The following PITPNB variants were observed in gnomAD, a reference collection of about 807,000 sequenced individuals.
The protein encoded by PITPNB is phosphatidylinositol transfer protein beta isoform.
Under a neutral mutation model 45.9 loss-of-function variants are expected in PITPNB, and 16 were observed. That is an observed-to-expected ratio of 0.35 (90% confidence interval 0.24 to 0.53). PITPNB has a LOEUF of 0.53. Among genes scored for constraint, PITPNB ranks in the 20% least tolerant of loss-of-function variants. PITPNB has a pLI of 0.93. For missense variants in PITPNB, 188 were observed against 330.5 expected (o/e 0.57, Z 3.34); for synonymous variants, 112 against 108.9 (o/e 1.03, Z -0.18).
rs113196670 is a variant in PITPNB, at chr22:27,893,131, A to T, written c.456+1424T>A. On this transcript the variant is annotated intron_variant, in intron 7 of 11. Coordinates refer to ENST00000335272, the MANE Select transcript of PITPNB (RefSeq NM_012399.5). ...CGACAAAACAAAGGGTACCACTCTT[A>T]TTCCAAAGCTTTAGCTCTCTAGATT... Among the ~76,000 whole-genome samples, 609 of 152,356 alleles carry T rather than the reference A, an allele frequency of 4.0e-3. 5 individuals are homozygous for T. Among genetic ancestry groups the T allele is most frequent in the Middle Eastern group, 0.031 (9 of 294 alleles).
intron 7 of PITPNB, among the ~76,000 whole-genome samples, chr22:27,889,055 T>A (rs926459756): frequency 1.3e-5 from 2 of 152,184 alleles, no homozygotes; most frequent in Non-Finnish European, 2.9e-5. Flanking sequence ...GCTGCAGAAC[T>A]GTGTGTTCAA....
At chr22:27,897,085 T>C (rs1481349236) in intron 5 of PITPNB, 45 bp downstream of exon 5, 14 of 1,350,732 alleles carry the variant, frequency 1.0e-5, no homozygotes, top group Non-Finnish European at 1.4e-5. Flanking sequence ...TAAAACAAAG[T>C]TTAAAGATAA....
At chr22:27,875,698 C>T (rs766111491) in intron 7 of PITPNB, among the ~76,000 whole-genome samples, 22 of 152,134 alleles carry the variant, frequency 1.4e-4, no homozygotes, top group Non-Finnish European at 2.5e-4. Context: ...AGCATCATTT[C>T]CCTCAATCAA....
chr22:27,852,448 G>C lies in PITPNB; in HGVS notation c.*1254C>G, dbSNP rs1451136542. 3 of 152,190 alleles carry C rather than the reference G, an allele frequency of 2.0e-5. No homozygotes were observed. Among genetic ancestry groups the C allele is most frequent in the African/African-American group, 7.2e-5 (3 of 41,452 alleles). 9.4% of individuals were successfully genotyped at this position (152,190 alleles called of 1,614,324 possible). A position where few individuals can be genotyped will look rare whatever the true frequency, so the allele number is the denominator to read the frequency against. ...ATTAAAAAAAGTGGCAGCCGTTTCT[G>C]ACCAGCACTCTCATGATGCCTATTC... On this transcript the variant is annotated 3_prime_UTR_variant, in exon 12 of 12. Transcript: ENST00000335272.
At chr22:27,901,281 G>C (rs779429083) in intron 3 of PITPNB, among the ~76,000 whole-genome samples, 1 of 152,102 alleles carries the variant, frequency 6.6e-6, no homozygotes, top group Admixed American at 6.6e-5. Context: ...TACACTGAAC[G>C]CCTGATCTAG....
intron 3 of PITPNB, among the ~76,000 whole-genome samples, chr22:27,900,106 G>C (rs1345883411): frequency 6.6e-6 from 1 of 151,954 alleles, no homozygotes; most frequent in East Asian, 1.9e-4. Flanking sequence ...GGGACACTGA[G>C]GCTGAATTGC....
At chr22:27,859,306 CAA>C (rs1331456385) in intron 9 of PITPNB, among the ~76,000 whole-genome samples, 2 of 152,154 alleles carry the variant, frequency 1.3e-5, no homozygotes, top group East Asian at 3.9e-4. Context: ...CATGAATAAT[CAA>C]AGTTTCCAGC....
intron 3 of PITPNB, among the ~76,000 whole-genome samples, chr22:27,904,228 A>G (rs547313935): frequency 1.3e-5 from 2 of 152,358 alleles, no homozygotes; most frequent in East Asian, 3.9e-4. Flanking sequence ...AGTGAAAACA[A>G]CCCAAATGTT....
intron 5 of PITPNB, 130 bp downstream of exon 5, chr22:27,897,000 C>G (rs1935452081): frequency 1.3e-6 from 1 of 746,700 alleles, no homozygotes; most frequent in Non-Finnish European, 2.4e-6. Context: ...AGTGTGGCGG[C>G]TGGTTGGTGG....
intron 7 of PITPNB, among the ~76,000 whole-genome samples, chr22:27,889,430 A>T (rs1180394742): frequency 3.9e-5 from 6 of 152,192 alleles, no homozygotes; most frequent in African/African-American, 1.4e-4. Flanking sequence ...CTTCCCTCTC[A>T]GGTTTAATTT....
chr22:27,874,480 G>A (rs1934761116), intron 7 of PITPNB, among the ~76,000 whole-genome samples: 1 of 152,132 alleles, frequency 6.6e-6, no homozygotes, highest in African/African-American at 2.4e-5. Context: ...ATACCACAGG[G>A]GAAAGGCTCT....
chr22:27,893,653 G>A (rs1160626886), intron 7 of PITPNB, among the ~76,000 whole-genome samples: 2 of 142,594 alleles, frequency 1.4e-5, no homozygotes, highest in South Asian at 2.3e-4. Flanking sequence ...GCAGTGGTAC[G>A]ATCACGGCTC....
At chr22:27,874,972 G>A (rs1192786888) in intron 7 of PITPNB, among the ~76,000 whole-genome samples, 2 of 152,140 alleles carry the variant, frequency 1.3e-5, no homozygotes, top group Non-Finnish European at 2.9e-5. Context: ...AGTATAATAC[G>A]AACTTTCCAC....
intron 8 of PITPNB, among the ~76,000 whole-genome samples, chr22:27,868,807 AC>A (rs1228399187): frequency 6.6e-6 from 1 of 152,164 alleles, no homozygotes; most frequent in Non-Finnish European, 1.5e-5. Context: ...GACTTCCGAG[AC>A]ACATCAAGCC....
chr22:27,894,634 T>C lies in PITPNB; in HGVS notation c.377A>G (p.His126Arg), dbSNP rs1327251800. The C allele has an allele frequency of 1.9e-6, 3 of 1,577,494 alleles. No individual in the cohort carries two copies. The highest frequency in any genetic ancestry group is 2.6e-6 in the Non-Finnish European group (3 of 1,148,230). The part of the protein sequence containing the change: ...KPDLGTLENV[H>R]GLDPNTWKTV... The stretch of plus-strand genomic sequence containing the variant: ...TTTCCATGTGTTTGGATCTAAACCA[T>C]GTACCTACCAATGACAAAGAGAAAA... Residue 126 changes from histidine to arginine, a missense_variant, in exon 7 of 12, where the codon CAT becomes CGT. Coordinates refer to ENST00000335272, the MANE Select transcript of PITPNB (RefSeq NM_012399.5).
chr22:27,883,335 C>T (rs1013817963), intron 7 of PITPNB, among the ~76,000 whole-genome samples: 28 of 152,326 alleles, frequency 1.8e-4, no homozygotes, highest in Admixed American at 1.4e-3. Flanking sequence ...ACAGCAGTTC[C>T]CTGGGCTACA....
intron 1 of PITPNB, among the ~76,000 whole-genome samples, chr22:27,916,681 T>C (rs1033324444): frequency 6.6e-6 from 1 of 152,064 alleles, no homozygotes; most frequent in African/African-American, 2.4e-5. Context: ...CGTGCGCCTG[T>C]AGTCCCAGCT....
chr22:27,915,233 C>T (rs1936042495), intron 1 of PITPNB, among the ~76,000 whole-genome samples: 1 of 152,010 alleles, frequency 6.6e-6, no homozygotes, highest in African/African-American at 2.4e-5. Flanking sequence ...GTATACGATC[C>T]TTCTCATACT....
intron 6 of PITPNB, among the ~76,000 whole-genome samples, chr22:27,895,967 C>T (rs150862583): frequency 6.6e-6 from 1 of 152,310 alleles, no homozygotes; most frequent in African/African-American, 2.4e-5. Context: ...TTCCCAAGTT[C>T]CACGACAAAC....
Sources: gnomAD v4.1 joint callset for allele counts (sites outside exome capture counted in the v4.1 genomes callset) on GRCh38, gnomAD v4.1.1 for gene constraint, MANE v1.5 for transcripts, NCBI Gene and HGNC (gene_info 2026-07-23, HGNC 2026-07-21) for gene names.